Variants in KCND2 observed in about 807,000 individuals in gnomAD.
KCND2 encodes the protein potassium voltage-gated channel subfamily D member 2.
A neutral mutation model predicts 54.4 loss-of-function variants in KCND2; 16 were observed. The ratio of observed to expected loss-of-function variants is 0.29; its 90% CI spans 0.20 to 0.45. The LOEUF (loss-of-function observed/expected upper bound fraction) is 0.45. Ranked by LOEUF, KCND2 falls within the 20% of genes least tolerant of loss-of-function variation. KCND2 has a pLI of 1.00. For synonymous variants in KCND2, 317 were observed against 310.7 expected, an observed-to-expected ratio of 1.02 and a Z score of -0.21; for missense variants, 486 against 824.2, an observed-to-expected ratio of 0.59 and a Z score of 5.02.
At chr7:120,739,825 ACACACACG>A (rs1291598874) in intron 2 of KCND2, among the ~76,000 whole-genome samples, 1 of 148,440 alleles carries the variant, frequency 6.7e-6, no homozygotes, top group African/African-American at 2.6e-5. Flanking sequence ...ACACACACAC[ACACACACG>A]CACTCCCTTT....
intron 5 of KCND2, 124 bp from the exon 6 acceptor site, chr7:120,747,557 A>T (rs1793022207): frequency 1.5e-6 from 1 of 678,954 alleles, no homozygotes; most frequent in Non-Finnish European, 2.5e-6. Context: ...CATATTTTTA[A>T]TTATAATAAC....
intron 1 of KCND2, among the ~76,000 whole-genome samples, chr7:120,543,038 G>A (rs921356332): frequency 2.6e-5 from 4 of 152,092 alleles, no homozygotes; most frequent in South Asian, 2.1e-4. Context: ...CCCTCATACA[G>A]TATTGACATG....
At chr7:120,391,955 A>T (rs1044671703) in intron 1 of KCND2, among the ~76,000 whole-genome samples, 1 of 151,704 alleles carries the variant, frequency 6.6e-6, no homozygotes, top group African/African-American at 2.4e-5. Flanking sequence ...CTTTTGTTGC[A>T]ATTGCTTTTG....
intron 1 of KCND2, among the ~76,000 whole-genome samples, chr7:120,686,823 C>A (rs1012527640): frequency 1.3e-5 from 2 of 152,140 alleles, no homozygotes; most frequent in African/African-American, 4.8e-5. Flanking sequence ...TGCCATTTTG[C>A]CTCTTAGTAC....
chr7:120,660,266 G>C (rs1018904437), intron 1 of KCND2, among the ~76,000 whole-genome samples: 2 of 152,204 alleles, frequency 1.3e-5, no homozygotes, highest in African/African-American at 4.8e-5. Context: ...GCAGTTACCA[G>C]TGAACATCCA....
chr7:120,745,790 T>C lies in KCND2; in HGVS notation c.1478T>C (p.Phe493Ser). 1 of 1,613,696 alleles carries C rather than the reference T, an allele frequency of 6.2e-7. No homozygotes were observed. Among genetic ancestry groups the C allele is most frequent in the Non-Finnish European group, 8.5e-7 (1 of 1,179,736 alleles). ...HCLEKTTNHEFVDEQVFEESC... is the reference protein window; with the variant it reads ...HCLEKTTNHESVDEQVFEESC... ...ACAACTGTGGAACAGAATCACGAGTTTGTGGACGAACAAGTCTTTGAAGAA... is the reference window on the plus strand; with the variant it reads ...ACAACTGTGGAACAGAATCACGAGTCTGTGGACGAACAAGTCTTTGAAGAA... Residue 493 changes from phenylalanine (F) to serine (S), a missense_variant, in exon 5 of 6, where the codon TTT becomes TCT. Physicochemically the swap from Phe to Ser is radical, Grantham distance 155 (BLOSUM62 -2). Transcript: ENST00000331113.
At chr7:120,734,533 A>G (rs1045644436) in intron 2 of KCND2, among the ~76,000 whole-genome samples, 1 of 152,118 alleles carries the variant, frequency 6.6e-6, no homozygotes, top group Non-Finnish European at 1.5e-5. Flanking sequence ...ATACACAAAC[A>G]CTATGATAAA....
Position 120,312,891 on chromosome 7 carries a change from CT to C in KCND2, c.1115+37151del, listed in dbSNP as rs1255713655. Among the ~76,000 whole-genome samples the C allele has an allele frequency of 2.0e-5, 3 of 152,008 alleles. No homozygotes were observed. In the South Asian group the frequency reaches 6.2e-4, roughly 32 times the overall value. ...TAAGATCAAAAAGGAAAACTTGTGA[CT>C]TTTTTTAAAAAAAAGACTGATGACA... On this transcript the variant is annotated intron_variant, in intron 1 of 5. Coordinates refer to ENST00000331113, the MANE Select transcript of KCND2 (RefSeq NM_012281.3).
chr7:120,692,252 A>T (rs1029980789), intron 1 of KCND2, among the ~76,000 whole-genome samples: 1 of 152,202 alleles, frequency 6.6e-6, no homozygotes, highest in South Asian at 2.1e-4. Context: ...CCAATATTAC[A>T]TGAAGTCCAT....
intron 1 of KCND2, among the ~76,000 whole-genome samples, chr7:120,293,229 G>T (rs1799461386): frequency 6.6e-6 from 1 of 151,744 alleles, no homozygotes; most frequent in African/African-American, 2.4e-5. Flanking sequence ...TGTTTAATTG[G>T]ATTACAAAAA....
rs1801729238 is a variant in KCND2, at chr7:120,427,587, A to G, written c.1115+151840A>G. Among the ~76,000 whole-genome samples, 4 of 152,372 alleles carry G rather than the reference A, an allele frequency of 2.6e-5. No individual in the cohort carries two copies. The South Asian group carries it at 8.3e-4, about 32-fold the overall frequency. Reference sequence around the variant, plus strand: ...TACAATGAATTGTGAATAGACTATTAAAAGCTGACAGCAAATTAATATTTG... The same window carrying G: ...TACAATGAATTGTGAATAGACTATTGAAAGCTGACAGCAAATTAATATTTG... On this transcript the variant is annotated intron_variant, in intron 1 of 5. Transcript: ENST00000331113.
At chr7:120,395,138 T>C (rs965897246) in intron 1 of KCND2, among the ~76,000 whole-genome samples, 1 of 152,038 alleles carries the variant, frequency 6.6e-6, no homozygotes, top group Non-Finnish European at 1.5e-5. Flanking sequence ...GGAGGTAACA[T>C]TGTTTCTTCA....
At chr7:120,459,797 G>C (rs73435839) in intron 1 of KCND2, among the ~76,000 whole-genome samples, 2,693 of 152,222 alleles carry the variant, frequency 0.018, 88 homozygotes, top group African/African-American at 0.061. Context: ...AGTAATTTCA[G>C]TATCTAATAT....
At chr7:120,414,717 G>T (rs190750616) in intron 1 of KCND2, among the ~76,000 whole-genome samples, 30 of 152,150 alleles carry the variant, frequency 2.0e-4, no homozygotes, top group African/African-American at 6.5e-4. Flanking sequence ...TCATTTTGTT[G>T]TCACCACTTT....
chr7:120,381,963 A>G, intron 1 of KCND2, among the ~76,000 whole-genome samples: 1 of 152,040 alleles, frequency 6.6e-6, no homozygotes, highest in East Asian at 1.9e-4. Flanking sequence ...TTTTGTATTT[A>G]GAGAGATAAG....
At chr7:120,746,188 G>A (rs1793004136) in intron 5 of KCND2, among the ~76,000 whole-genome samples, 161 bp downstream of exon 5, 4 of 152,146 alleles carry the variant, frequency 2.6e-5, no homozygotes, top group African/African-American at 7.2e-5. Context: ...GGTTCTGCTT[G>A]CATATCCATT....
At chr7:120,367,479 A>C (rs1800703491) in intron 1 of KCND2, among the ~76,000 whole-genome samples, 1 of 151,894 alleles carries the variant, frequency 6.6e-6, no homozygotes, top group African/African-American at 2.4e-5. Context: ...ATATCTCATC[A>C]CTAGAACCTG....
chr7:120,301,127 A>G (rs78461072), intron 1 of KCND2, among the ~76,000 whole-genome samples: 63 of 152,258 alleles, frequency 4.1e-4, no homozygotes, highest in African/African-American at 1.4e-3. Context: ...ACAAATAATA[A>G]CTAAAATGTC....
chr7:120,324,042 A>T (rs2116335090), intron 1 of KCND2, among the ~76,000 whole-genome samples: 1 of 149,740 alleles, frequency 6.7e-6, no homozygotes, highest in South Asian at 2.1e-4. Flanking sequence ...CATTTCTCTG[A>T]TGGCCAGTGA....
Sources: gnomAD v4.1 joint callset for allele counts (sites outside exome capture counted in the v4.1 genomes callset) on GRCh38, gnomAD v4.1.1 for gene constraint, MANE v1.5 for transcripts, NCBI Gene and HGNC (gene_info 2026-07-23, HGNC 2026-07-21) for gene names.